DOP1A: variants seen among roughly 807,000 people sequenced by gnomAD.
DOP1A encodes the protein protein DOP1A.
DOP1A carries 90 observed loss-of-function variants against 267.6 expected under a neutral mutation model. That is an observed-to-expected ratio of 0.34 (90% CI 0.28 to 0.40). DOP1A has a LOEUF of 0.40. Ranked by LOEUF, DOP1A falls within the 10% of genes least tolerant of loss-of-function variation. The pLI is 1.00. For synonymous variants in DOP1A, 932 were observed against 999.1 expected (o/e 0.93, Z 1.27); for missense variants, 2,437 against 2,900.4 (o/e 0.84, Z 3.67).
chr6:83,170,276 T>C, downstream of DOP1A: 1 of 1,606,678 alleles, frequency 6.2e-7, no homozygotes, highest in Non-Finnish European at 8.5e-7. Context: ...AATATTAGGC[T>C]CTTTTTCAAT....
At chr6:83,089,287 A>G (rs1478377108) in intron 1 of DOP1A, among the ~76,000 whole-genome samples, 6 of 152,224 alleles carry the variant, frequency 3.9e-5, no homozygotes, top group Admixed American at 1.3e-4. Context: ...GTATGATACA[A>G]TATTTCATTT....
chr6:83,130,231 T>C lies in DOP1A; in HGVS notation c.2450T>C (p.Leu817Pro). 6.2e-7 allele frequency: 1 copy of C among 1,614,056 alleles called. No individual in the cohort carries two copies. The highest frequency in any genetic ancestry group is 8.5e-7 in the Non-Finnish European group (1 of 1,179,980). Residue 817 changes from leucine to proline, a missense_variant, in exon 17 of 39, where the codon CTG becomes CCG. Transcript: ENST00000349129. ...QSVAISLVMD[L>P]VGLTQSVAMV... The stretch of plus-strand genomic sequence containing the variant: ...GTTGCTATTTCACTAGTTATGGACC[T>C]GGTGGGACTGACACAGTCTGTGGCC...
chr6:83,139,338 A>G (rs532642373), intron 21 of DOP1A, among the ~76,000 whole-genome samples, 176 bp downstream of exon 21: 2 of 152,290 alleles, frequency 1.3e-5, no homozygotes, highest in Non-Finnish European at 2.9e-5. Context: ...TATCAGTAAA[A>G]GAATCTAGAA....
At chr6:83,139,885 C>G in intron 21 of DOP1A, 115 bp from the exon 22 acceptor site, 1 of 626,652 alleles carries the variant, frequency 1.6e-6, no homozygotes, top group Non-Finnish European at 2.7e-6. Flanking sequence ...ATTTGTTAAT[C>G]TAGTATTTAT....
chr6:83,163,376 C>T (rs948744597), intron 38 of DOP1A, among the ~76,000 whole-genome samples: 1 of 151,808 alleles, frequency 6.6e-6, no homozygotes, highest in African/African-American at 2.4e-5. Context: ...ATTTTTAGAA[C>T]CTGTCAGAGT....
chr6:83,092,370 T>G (rs1770588107), intron 1 of DOP1A, among the ~76,000 whole-genome samples: 1 of 152,196 alleles, frequency 6.6e-6, no homozygotes, highest in South Asian at 2.1e-4. Flanking sequence ...AGAACTTTCC[T>G]GGTAGGAAAA....
At chr6:83,121,887 C>A in intron 10 of DOP1A, 43 bp from the exon 11 acceptor site, 1 of 1,559,966 alleles carries the variant, frequency 6.4e-7, no homozygotes, top group South Asian at 1.2e-5. Flanking sequence ...ATGATTTGCT[C>A]ATGCTGATTA....
intron 33 of DOP1A, 137 bp from the exon 34 acceptor site, chr6:83,155,814 C>G (rs1782677856): frequency 1.0e-6 from 1 of 992,314 alleles, no homozygotes; most frequent in Non-Finnish European, 1.4e-6. Flanking sequence ...CTGTCTGCCC[C>G]AGAGAGGGGC....
At chr6:83,163,747 T>C (rs1784778991) in intron 38 of DOP1A, among the ~76,000 whole-genome samples, 1 of 152,126 alleles carries the variant, frequency 6.6e-6, no homozygotes, top group African/African-American at 2.4e-5. Context: ...CCCCACAACC[T>C]GCAGTTTTTA....
intron 1 of DOP1A, among the ~76,000 whole-genome samples, chr6:83,095,472 C>G (rs546478093): frequency 6.6e-6 from 1 of 152,056 alleles, no homozygotes; most frequent in Non-Finnish European, 1.5e-5. Flanking sequence ...GTTAGCATCC[C>G]CTAAGGCCCA....
In DOP1A at chr6:83,130,362, C is replaced by G; in HGVS notation, c.2581C>G (p.Leu861Val). 6.2e-7 allele frequency: 1 copy of G among 1,613,994 alleles called. No individual in the cohort carries two copies. Among genetic ancestry groups the G allele is most frequent in the Non-Finnish European group, 8.5e-7 (1 of 1,179,922 alleles). Residue 861 changes from leucine (L) to valine (V), a missense_variant, in exon 17 of 39, where the codon CTG (leucine) becomes GTG (valine). Physicochemically the swap from Leu to Val is conservative, Grantham distance 32. Coordinates refer to ENST00000349129, the MANE Select transcript of DOP1A (RefSeq NM_015018.4). ...VIRPPLTQGN[L>V]RYIAEKTEFF... The stretch of plus-strand genomic sequence containing the variant: ...TAGACCTCCCCTCACTCAGGGCAAT[C>G]TGAGGTACATAGCTGAGAAGACTGA...
chr6:83,130,737 A>G (rs1777882661), intron 17 of DOP1A, among the ~76,000 whole-genome samples: 1 of 151,610 alleles, frequency 6.6e-6, no homozygotes, highest in Admixed American at 6.6e-5. Flanking sequence ...TGGTTGCAAC[A>G]CTTTTGCTTT....
chr6:83,120,810 G>A lies in DOP1A; in HGVS notation c.1099+19G>A. On this transcript the variant is annotated intron_variant, in intron 10 of 38. Transcript: ENST00000349129. ...GAGCTAGGTAATGTATACTGTCCTAGGGCATAAGGTCATGTGTGGTACTTT... is the reference window on the plus strand; with the variant it reads ...GAGCTAGGTAATGTATACTGTCCTAAGGCATAAGGTCATGTGTGGTACTTT... 9 of 1,457,086 alleles carry A rather than the reference G, an allele frequency of 6.2e-6. No homozygotes were observed. The highest frequency in any genetic ancestry group is 1.5e-5 in the South Asian group (1 of 66,964). The allele number at this position is 1,457,086 out of a possible 1,614,324, so 90.3% of individuals were successfully genotyped here. A position where few individuals can be genotyped will look rare whatever the true frequency, so the allele number is the denominator to read the frequency against.
chr6:83,110,619 A>G (rs1774386825), intron 6 of DOP1A, among the ~76,000 whole-genome samples: 1 of 152,188 alleles, frequency 6.6e-6, no homozygotes, highest in African/African-American at 2.4e-5. Context: ...ATAGTGAAAG[A>G]TAATAGGAAG....
intron 38 of DOP1A, chr6:83,166,540 ACAG>A: frequency 1.5e-6 from 1 of 668,846 alleles, no homozygotes; most frequent in Non-Finnish European, 2.7e-6. Context: ...ATAAATATAA[ACAG>A]CAATAAGTCA....
Position 83,148,792 on chromosome 6 carries a change from G to A in DOP1A, c.5766G>A (p.Ala1922=), listed in dbSNP as rs745652312. 4.5e-6 allele frequency: 7 copies of A among 1,560,716 alleles called. No homozygotes were observed. The highest frequency in any genetic ancestry group is 2.8e-5 in the African/African-American group (2 of 70,982). ...TGCCCAATTTAGTGGATAGCTGGGCGTCACTGTTGATACTTCTGAAAGACT... is the reference window on the plus strand; with the variant it reads ...TGCCCAATTTAGTGGATAGCTGGGCATCACTGTTGATACTTCTGAAAGACT... ...IPVPNLVDSW[A]SLLILLKDSI... is the part of the protein sequence containing the mutation. Residue 1922 remains alanine (A), a synonymous_variant, in exon 27 of 39, where the codon GCG becomes GCA. Coordinates refer to ENST00000349129, the MANE Select transcript of DOP1A (RefSeq NM_015018.4).
At chr6:83,133,157 TATAAC>T (rs1295443754) in intron 18 of DOP1A, among the ~76,000 whole-genome samples, 32 of 152,298 alleles carry the variant, frequency 2.1e-4, no homozygotes, top group African/African-American at 7.0e-4. Flanking sequence ...CTATTTCTGC[TATAAC>T]ATATTTTTTC....
At chr6:83,074,184 T>G (rs1408116690) in intron 1 of DOP1A, among the ~76,000 whole-genome samples, 3 of 152,170 alleles carry the variant, frequency 2.0e-5, no homozygotes. Flanking sequence ...ACTTGAAAAT[T>G]AATGTACCAA....
intron 1 of DOP1A, among the ~76,000 whole-genome samples, chr6:83,068,404 C>T (rs1438121926): frequency 6.6e-6 from 1 of 152,198 alleles, no homozygotes; most frequent in Admixed American, 6.5e-5. Context: ...TTCGGGCCTC[C>T]TCCATTCCTG....
Sources: allele counts gnomAD v4.1 joint callset (sites outside exome capture counted in the v4.1 genomes callset), GRCh38; gene constraint gnomAD v4.1.1; transcripts MANE v1.5; gene names NCBI Gene and HGNC (gene_info 2026-07-23, HGNC 2026-07-21).